The following TMEM240 variants were observed in gnomAD, a reference collection of about 807,000 sequenced individuals.
The protein encoded by TMEM240 is transmembrane protein 240.
Under a neutral mutation model 19.5 loss-of-function variants are expected in TMEM240, and 3 were observed. The observed-to-expected ratio is 0.15, with a 90% CI of 0.07 to 0.40. The LOEUF is 0.40. Ranked by LOEUF, TMEM240 falls within the 10% of genes least tolerant of loss-of-function variation. The probability of loss-of-function intolerance (pLI) is 1.00; values close to 1 mark genes in which losing one functional copy is unlikely to be tolerated. For synonymous variants in TMEM240, 123 were observed against 109.3 expected (o/e 1.13, Z -0.78); for missense variants, 210 against 253.5 (o/e 0.83, Z 1.17).
Position 1,540,427 on chromosome 1 carries a change from C to A in TMEM240, c.-81G>T. ...CCCCGGCCCGATGCTGAGCCCCCGC[C>A]GCCTCCGCAGAGGTCAGCGCTTCCC... On this transcript the variant is annotated 5_prime_UTR_variant, in exon 1 of 4. Coordinates refer to ENST00000378733, the MANE Select transcript of TMEM240 (RefSeq NM_001114748.2). 2.1e-6 allele frequency: 1 copy of A among 487,242 alleles called. No individual in the cohort carries two copies. Among genetic ancestry groups the A allele is most frequent in the Non-Finnish European group, 2.8e-6 (1 of 358,800 alleles). 30.2% of individuals were successfully genotyped at this position (487,242 alleles called of 1,614,324 possible). A position where few individuals can be genotyped will look rare whatever the true frequency, so the allele number is the denominator to read the frequency against.
In TMEM240 at chr1:1,535,919, G is replaced by A; in HGVS notation, c.165-122C>T. ...GCCGCCCTGGGGGTTCTCTGAAGCA[G>A]CCTCTTGGGCGGGCGGGTCGGGAAG... On this transcript the variant is annotated intron_variant, in intron 2 of 3. Transcript: ENST00000378733. This position sits in a 1 kb window ranked among gnomAD's most constrained non-coding sequence, Gnocchi z 8.2. 2.3e-6 allele frequency: 1 copy of A among 426,050 alleles called. No homozygotes were observed. Among genetic ancestry groups the A allele is most frequent in the Non-Finnish European group, 4.6e-6 (1 of 216,022 alleles). The allele number at this position is 426,050 out of a possible 1,614,324, so 26.4% of individuals were successfully genotyped here. A position where few individuals can be genotyped will look rare whatever the true frequency, so the allele number is the denominator to read the frequency against.
chr1:1,538,219 C>T (rs547148288), intron 2 of TMEM240, among the ~76,000 whole-genome samples: 4 of 152,318 alleles, frequency 2.6e-5, no homozygotes, highest in East Asian at 3.9e-4. Context: ...GTACGCTGAA[C>T]GTACATATCC....
In TMEM240 at chr1:1,535,649, C is replaced by G; in HGVS notation, c.313G>C (p.Val105Leu). ...LLGFCISWFL[V>L]WMDGVLHCAV... is the part of the protein sequence containing the mutation. ...CAGTGCAGGACGCCGTCCATCCACA[C>G]CAGGAACCAGCTGATGCAAAAGCCC... The change falls in exon 3 of 4, where the codon GTG becomes CTG. Residue 105 changes from valine (V) to leucine (L), a missense_variant. Coordinates refer to ENST00000378733, the MANE Select transcript of TMEM240 (RefSeq NM_001114748.2). The surrounding 1 kb of genome is among the most constrained non-coding windows in gnomAD (Gnocchi z 8.2). The G allele has an allele frequency of 6.5e-7, 1 of 1,550,046 alleles. No homozygotes were observed. Among genetic ancestry groups the G allele is most frequent in the East Asian group, 2.4e-5 (1 of 40,898 alleles).
chr1:1,535,186 T>A lies in TMEM240; in HGVS notation c.*173A>T. 1 of 508,268 alleles carries A rather than the reference T, an allele frequency of 2.0e-6. No individual in the cohort carries two copies. The allele number at this position is 508,268 out of a possible 1,614,324, so 31.5% of individuals were successfully genotyped here. A position where few individuals can be genotyped will look rare whatever the true frequency, so the allele number is the denominator to read the frequency against. The stretch of plus-strand genomic sequence containing the variant: ...ACCCTAGCCCACACCCCAACCCCCT[T>A]TATAAAAAGAAGAGACAGCACCTTC... On this transcript the variant is annotated 3_prime_UTR_variant, in exon 4 of 4. Transcript: ENST00000378733. The surrounding 1 kb of genome is among the most constrained non-coding windows in gnomAD (Gnocchi z 8.2).
At position 1,534,915 on chromosome 1, in the gene TMEM240, T is replaced by TCCCTCC. The variant is rs1642178252; in HGVS notation, c.*443_*444insGGAGGG. ...CCTGTGGCTGTGCACACGCGGGTGC[T>TCCCTCC]CCCCTCGCCCCCCTCCCCTCCGCCC... is the stretch of plus-strand genomic sequence containing the variant. On this transcript the variant is annotated 3_prime_UTR_variant, in exon 4 of 4. Transcript: ENST00000378733. Among the ~76,000 whole-genome samples the TCCCTCC allele has an allele frequency of 6.7e-6, 1 of 150,180 alleles. No individual in the cohort carries two copies. Among genetic ancestry groups the TCCCTCC allele is most frequent in the African/African-American group, 2.5e-5 (1 of 40,112 alleles).
chr1:1,538,814 C>T (rs1187847901), intron 2 of TMEM240, among the ~76,000 whole-genome samples: 1 of 152,234 alleles, frequency 6.6e-6, no homozygotes, highest in Admixed American at 6.5e-5. Context: ...CAGAGACCCC[C>T]GGAGCAGGAG....
chr1:1,535,909 C>G lies in TMEM240; in HGVS notation c.165-112G>C. The G allele has an allele frequency of 1.7e-6, 1 of 597,370 alleles. No individual in the cohort carries two copies. The highest frequency in any genetic ancestry group is 3.0e-6 in the Non-Finnish European group (1 of 335,038). The allele number at this position is 597,370 out of a possible 1,614,324, so 37.0% of individuals were successfully genotyped here. ...ACCGCGTCAGGCCGCCCTGGGGGTTCTCTGAAGCAGCCTCTTGGGCGGGCG... is the reference window on the plus strand; with the variant it reads ...ACCGCGTCAGGCCGCCCTGGGGGTTGTCTGAAGCAGCCTCTTGGGCGGGCG... On this transcript the variant is annotated intron_variant, in intron 2 of 3. Transcript: ENST00000378733. This position sits in a 1 kb window ranked among gnomAD's most constrained non-coding sequence, Gnocchi z 8.2.
chr1:1,535,879 G>A lies in TMEM240; in HGVS notation c.165-82C>T, dbSNP rs1642211181. 2.6e-6 allele frequency: 3 copies of A among 1,174,228 alleles called. No homozygotes were observed. In the African/African-American group the frequency reaches 4.6e-5, roughly 18 times the overall value. The allele number at this position is 1,174,228 out of a possible 1,614,324, so 72.7% of individuals were successfully genotyped here. A position where few individuals can be genotyped will look rare whatever the true frequency, so the allele number is the denominator to read the frequency against. On this transcript the variant is annotated intron_variant, in intron 2 of 3. Coordinates refer to ENST00000378733, the MANE Select transcript of TMEM240 (RefSeq NM_001114748.2). The surrounding 1 kb of genome is among the most constrained non-coding windows in gnomAD (Gnocchi z 8.2). ...CCGGGGCGCCTACCCCGTGGTGGGGGTGTGACCGCGTCAGGCCGCCCTGGG... is the reference window on the plus strand; with the variant it reads ...CCGGGGCGCCTACCCCGTGGTGGGGATGTGACCGCGTCAGGCCGCCCTGGG...
At position 1,535,493 on chromosome 1, in the gene TMEM240, A is replaced by T; in HGVS notation, c.388T>A (p.Trp130Arg). The T allele has an allele frequency of 6.5e-7, 1 of 1,547,144 alleles. No individual in the cohort carries two copies. Among genetic ancestry groups the T allele is most frequent in the Non-Finnish European group, 8.7e-7 (1 of 1,145,242 alleles). The part of the protein sequence containing the change: ...AGRRYDGSWT[W>R]LPKLCSLREL... ...CGCAGGCTGCACAGCTTGGGCAGCCAGGTCCACGAGCCATCTGCGGGGGGA... is the reference window on the plus strand; with the variant it reads ...CGCAGGCTGCACAGCTTGGGCAGCCTGGTCCACGAGCCATCTGCGGGGGGA... The change falls in exon 4 of 4, where the codon TGG becomes AGG. Residue 130 changes from tryptophan (W) to arginine (R), a missense_variant. Physicochemically the swap from Trp to Arg is moderately radical, Grantham distance 101. Coordinates refer to ENST00000378733, the MANE Select transcript of TMEM240 (RefSeq NM_001114748.2). The surrounding 1 kb of genome is among the most constrained non-coding windows in gnomAD (Gnocchi z 8.2).
intron 1 of TMEM240, 40 bp downstream of exon 1, chr1:1,540,250 C>T: frequency 3.0e-6 from 3 of 1,001,780 alleles, no homozygotes; most frequent in South Asian, 3.4e-5. Context: ...CGCGCGCGGG[C>T]GGGGAGCAGG....
Position 1,535,770 on chromosome 1 carries a change from G to T in TMEM240, c.192C>A (p.Tyr64Ter). The T allele has an allele frequency of 6.5e-7, 1 of 1,550,124 alleles. No homozygotes were observed. The highest frequency in any genetic ancestry group is 8.7e-7 in the Non-Finnish European group (1 of 1,146,608). ...GRHHIHYVIP[Y>*]DGDQSVVDAS... ...CGTCCACCACCGACTGGTCCCCGTC[G>T]TACGGGATCACGTAGTGGATATGGT... Residue 64 changes from tyrosine to a stop codon, truncating the protein, a stop_gained, in exon 3 of 4, where the codon TAC (tyrosine) becomes TAA (stop). Transcript: ENST00000378733. LOFTEE classifies it high-confidence loss of function. This position sits in a 1 kb window ranked among gnomAD's most constrained non-coding sequence, Gnocchi z 8.2.
rs1407052281 is a variant in TMEM240 at position 1,540,419 on chromosome 1, G to A, written c.-73C>T. 5.8e-6 allele frequency: 3 copies of A among 517,992 alleles called. No individual in the cohort carries two copies. The highest frequency in any genetic ancestry group is 7.7e-6 in the Non-Finnish European group (3 of 389,150). The allele number at this position is 517,992 out of a possible 1,614,324, so 32.1% of individuals were successfully genotyped here. ...CCCCCCGGCCCCGGCCCGATGCTGA[G>A]CCCCCGCCGCCTCCGCAGAGGTCAG... On this transcript the variant is annotated 5_prime_UTR_variant, in exon 1 of 4. Coordinates refer to ENST00000378733, the MANE Select transcript of TMEM240 (RefSeq NM_001114748.2).
chr1:1,540,421 C>T lies in TMEM240; in HGVS notation c.-75G>A, dbSNP rs190482382. 0.037 allele frequency: 19,970 copies of T among 534,094 alleles called. 679 individuals are homozygous for T. Among genetic ancestry groups the T allele is most frequent in the Admixed American group, 0.17 (2,913 of 17,560 alleles). 33.1% of individuals were successfully genotyped at this position (534,094 alleles called of 1,614,324 possible). ...CCCCGGCCCCGGCCCGATGCTGAGCCCCCGCCGCCTCCGCAGAGGTCAGCG... is the reference window on the plus strand; with the variant it reads ...CCCCGGCCCCGGCCCGATGCTGAGCTCCCGCCGCCTCCGCAGAGGTCAGCG... On this transcript the variant is annotated 5_prime_UTR_variant, in exon 1 of 4. Transcript: ENST00000378733.
chr1:1,538,378 G>A (rs1161535022), intron 2 of TMEM240, among the ~76,000 whole-genome samples: 1 of 152,204 alleles, frequency 6.6e-6, no homozygotes, highest in Non-Finnish European at 1.5e-5. Context: ...GGCATGAGCC[G>A]CCCTACATGC....
chr1:1,535,475 T>C lies in TMEM240; in HGVS notation c.406A>G (p.Ser136Gly), dbSNP rs1354960865. ...GGCCGCCGGCCCAGCTCCCGCAGGC[T>C]GCACAGCTTGGGCAGCCAGGTCCAC... Reference protein sequence around the residue: ...GSWTWLPKLCSLRELGRRPHR... With the variant: ...GSWTWLPKLCGLRELGRRPHR... The change falls in exon 4 of 4, where the codon AGC (serine) becomes GGC (glycine). Residue 136 changes from serine (S) to glycine (G), a missense_variant. Transcript: ENST00000378733. This position sits in a 1 kb window ranked among gnomAD's most constrained non-coding sequence, Gnocchi z 8.2. 6.5e-7 allele frequency: 1 copy of C among 1,548,266 alleles called. No homozygotes were observed. Among genetic ancestry groups the C allele is most frequent in the African/African-American group, 1.4e-5 (1 of 72,884 alleles).
rs1263095266 is a variant in TMEM240, at chr1:1,535,979, C to T, written c.165-182G>A. Among the ~76,000 whole-genome samples the T allele has an allele frequency of 6.6e-6, 1 of 152,072 alleles. No individual in the cohort carries two copies. The highest frequency in any genetic ancestry group is 1.5e-5 in the Non-Finnish European group (1 of 67,990). On this transcript the variant is annotated intron_variant, in intron 2 of 3. Coordinates refer to ENST00000378733, the MANE Select transcript of TMEM240 (RefSeq NM_001114748.2). The surrounding 1 kb of genome is among the most constrained non-coding windows in gnomAD (Gnocchi z 8.2). ...GACTCAACGAGGCCCAGGTCACAGGCCAGAGGGAGTGGGAGGTCAGTGGCC... is the reference window on the plus strand; with the variant it reads ...GACTCAACGAGGCCCAGGTCACAGGTCAGAGGGAGTGGGAGGTCAGTGGCC...
intron 1 of TMEM240, 27 bp downstream of exon 1, chr1:1,540,263 G>A (rs1642283733): frequency 1.5e-6 from 2 of 1,307,558 alleles, no homozygotes; most frequent in Non-Finnish European, 9.8e-7. Context: ...GGAGCAGGGG[G>A]CGCGCGCGGG....
rs1239028864 is a variant in TMEM240, at chr1:1,536,025, G to A, written c.165-228C>T. 2.6e-5 allele frequency among the ~76,000 whole-genome samples: 4 copies of A among 152,092 alleles called. No homozygotes were observed. The highest frequency in any genetic ancestry group is 2.9e-5 in the Non-Finnish European group (2 of 67,978). On this transcript the variant is annotated intron_variant, in intron 2 of 3. Transcript: ENST00000378733. The surrounding 1 kb of genome is among the most constrained non-coding windows in gnomAD (Gnocchi z 5.4). ...TGGCCATGGGCTGTGGAGGCCGAGC[G>A]TGAAGTCCGGGCAGACAGCGGGACC...
rs1227696883 is a variant in TMEM240 at position 1,536,214 on chromosome 1, G to A, written c.165-417C>T. 6.6e-6 allele frequency among the ~76,000 whole-genome samples: 1 copy of A among 152,118 alleles called. No homozygotes were observed. Among genetic ancestry groups the A allele is most frequent in the Non-Finnish European group, 1.5e-5 (1 of 67,994 alleles). ...ACCCGCCCGCCCCGGGGCCGCGGAGGCCACTTGGAGCAGAGCTGGACACAG... is the reference window on the plus strand; with the variant it reads ...ACCCGCCCGCCCCGGGGCCGCGGAGACCACTTGGAGCAGAGCTGGACACAG... On this transcript the variant is annotated intron_variant, in intron 2 of 3. Coordinates refer to ENST00000378733, the MANE Select transcript of TMEM240 (RefSeq NM_001114748.2). This position sits in a 1 kb window ranked among gnomAD's most constrained non-coding sequence, Gnocchi z 5.4.
Sources: allele counts gnomAD v4.1 joint callset (sites outside exome capture counted in the v4.1 genomes callset), GRCh38; gene constraint gnomAD v4.1.1; non-coding constraint Gnocchi (gnomAD v3.1); transcripts MANE v1.5; gene names NCBI Gene and HGNC (gene_info 2026-07-23, HGNC 2026-07-21).